Variants in CDK11A observed in about 807,000 individuals in gnomAD.
CDK11A encodes the protein cyclin-dependent kinase 11A.
Under a neutral mutation model 83.6 loss-of-function variants are expected in CDK11A, and 55 were observed. The ratio of observed to expected loss-of-function variants is 0.66; its 90% confidence interval spans 0.53 to 0.82. The LOEUF is 0.82. Ranked by LOEUF, CDK11A falls within the 40% of genes least tolerant of loss-of-function variation. The probability of loss-of-function intolerance (pLI) is 0.00; values close to 1 mark genes in which losing one functional copy is unlikely to be tolerated. For synonymous variants in CDK11A, 247 were observed against 302.7 expected (o/e 0.82, Z 1.91); for missense variants, 564 against 810.1 (o/e 0.70, Z 3.69).
At chr1:1,715,793 A>G (rs375112426) in intron 5 of CDK11A, among the ~76,000 whole-genome samples, 16 of 151,158 alleles carry the variant, frequency 1.1e-4, no homozygotes, top group Middle Eastern at 3.4e-3. Context: ...CCTGGTTCAC[A>G]GAACAGATCT....
chr1:1,704,091 G>C lies in CDK11A; in HGVS notation c.1742C>G (p.Pro581Arg). ...EYGSPLKAYT[P>R]VVVTQWYRAP... ...GCGGTACCACTGGGTCACCACGACC[G>C]GGGTGTAGGCCTTCAGAGGGGATCC... Residue 581 changes from proline to arginine, a missense_variant, in exon 16 of 20, where the codon CCG (proline) becomes CGG (arginine). Coordinates refer to ENST00000404249, the MANE Select transcript of CDK11A (RefSeq NM_024011.4). 2.5e-6 allele frequency: 4 copies of C among 1,599,238 alleles called. No homozygotes were observed. Among genetic ancestry groups the C allele is most frequent in the Non-Finnish European group, 3.4e-6 (4 of 1,170,874 alleles).
rs767396819 is a variant in CDK11A at position 1,704,084 on chromosome 1, C to G, written c.1749G>C (p.Val583=). ...GSPLKAYTPV[V]VTQWYRAPEL... is the part of the protein sequence containing the mutation. ...CTGGGGCGCGGTACCACTGGGTCAC[C>G]ACGACCGGGGTGTAGGCCTTCAGAG... is the stretch of plus-strand genomic sequence containing the variant. Residue 583 remains valine, a synonymous_variant, in exon 16 of 20, where the codon GTG becomes GTC. Coordinates refer to ENST00000404249, the MANE Select transcript of CDK11A (RefSeq NM_024011.4). 188 of 1,597,496 alleles carry G rather than the reference C, an allele frequency of 1.2e-4. 11 individuals are homozygous for G. The highest frequency in any genetic ancestry group is 1.5e-4 in the Non-Finnish European group (172 of 1,170,044).
Position 1,704,534 on chromosome 1 carries a change from C to G in CDK11A, c.1564+16G>C, listed in dbSNP as rs2377231. ...CCCCACTTGTACGCAGACAGGACCC[C>G]GGGGCGCGGCTGTACCTGGCAGGAA... On this transcript the variant is annotated intron_variant, in intron 14 of 19. Transcript: ENST00000404249. 1.3e-3 allele frequency: 2,004 copies of G among 1,602,644 alleles called. 98 individuals carry two copies. In the South Asian group the frequency reaches 0.021, roughly 17 times the overall value.
Position 1,707,431 on chromosome 1 carries a change from G to A in CDK11A, c.1223C>T (p.Pro408Leu), listed in dbSNP as rs775690147. The A allele has an allele frequency of 1.9e-6, 3 of 1,607,950 alleles. No individual in the cohort carries two copies. The highest frequency in any genetic ancestry group is 3.3e-5 in the Admixed American group (2 of 59,724). ...LLPIELKQELPKYLPALQGCR... is the reference protein window; with the variant it reads ...LLPIELKQELLKYLPALQGCR... ...GACCTGCAGGGCCGGCAGGTACTTG[G>A]GCAGCTCCTGCTTGAGCTCGATGGG... The change falls in exon 11 of 20, where the codon CCC (proline) becomes CTC (leucine). Residue 408 changes from proline (P) to leucine (L), a missense_variant. Pro to Leu is a moderately conservative substitution (Grantham distance 98). This residue lies in a region of CDK11A where 361 missense variants were observed against 402.7 expected (regional missense o/e 0.90). Transcript: ENST00000404249.
rs369035896 is a variant in CDK11A, at chr1:1,704,272, C to T, written c.1637G>A (p.Arg546His). 40 of 1,608,240 alleles carry T rather than the reference C, an allele frequency of 2.5e-5. No individual in the cohort carries two copies. Among genetic ancestry groups the T allele is most frequent in the Admixed American group, 1.3e-4 (8 of 59,786 alleles). ...KHLHDNWILH[R>H]DLKTSNLLLS... The stretch of plus-strand genomic sequence containing the variant: ...CAGCAGGTTGGACGTCTTGAGGTCA[C>T]GGTGCAGGATCCAGTTGTCGTGCAG... Residue 546 changes from arginine to histidine, a missense_variant, in exon 15 of 20, where the codon CGT becomes CAT. By Grantham distance (29) the Arg-to-His change is conservative (BLOSUM62 0). This residue lies in a region of CDK11A where 361 missense variants were observed against 402.7 expected (regional missense o/e 0.90). Transcript: ENST00000404249.
chr1:1,707,005 G>T lies in CDK11A; in HGVS notation c.1245+404C>A, dbSNP rs1644338611. Among the ~76,000 whole-genome samples, 2 of 143,048 alleles carry T rather than the reference G, an allele frequency of 1.4e-5. 1 individual carries two copies. Among genetic ancestry groups the T allele is most frequent in the South Asian group, 4.5e-4 (2 of 4,398 alleles). The allele number at this position is 143,048 out of a possible 152,430, so 93.8% of individuals were successfully genotyped here. ...TCACACATCTACACTGACTCCCGTA[G>T]CCGCTCCCCCATCCAAGCCCTGCAC... On this transcript the variant is annotated intron_variant, in intron 11 of 19. Coordinates refer to ENST00000404249, the MANE Select transcript of CDK11A (RefSeq NM_024011.4).
Position 1,702,967 on chromosome 1 carries a change from G to T in CDK11A, c.2283C>A (p.His761Gln). The change falls in exon 20 of 20, where the codon CAC becomes CAA. Residue 761 changes from histidine to glutamine, a missense_variant. Transcript: ENST00000404249. The stretch of plus-strand genomic sequence containing the variant: ...AGGCCCCCTGGTTCGTGGTGGTAAG[G>T]TGGAAGCCCGTCTCCTTCAGGTCGT... ...GDDDLKETGFHLTTTNQGASA... is the reference protein window; with the variant it reads ...GDDDLKETGFQLTTTNQGASA... 2.1e-6 allele frequency: 1 copy of T among 477,106 alleles called. No homozygotes were observed. The highest frequency in any genetic ancestry group is 3.7e-6 in the Non-Finnish European group (1 of 273,158). 29.6% of individuals were successfully genotyped at this position (477,106 alleles called of 1,614,324 possible). A position where few individuals can be genotyped will look rare whatever the true frequency, so the allele number is the denominator to read the frequency against.
intron 13 of CDK11A, 116 bp from the exon 14 acceptor site, chr1:1,704,771 C>A: frequency 6.3e-7 from 1 of 1,598,312 alleles, no homozygotes; most frequent in Non-Finnish European, 8.6e-7. Context: ...GAGGCAAATA[C>A]TTGCTTCTGT....
At chr1:1,717,111 A>C (rs1405838624) in intron 4 of CDK11A, among the ~76,000 whole-genome samples, 1 of 150,790 alleles carries the variant, frequency 6.6e-6, no homozygotes, top group East Asian at 1.9e-4. Context: ...AACTATCTGC[A>C]GTAAGCGTCT....
Position 1,706,415 on chromosome 1 carries a change from G to A in CDK11A, c.1246-683C>T, listed in dbSNP as rs1317965922. Among the ~76,000 whole-genome samples the A allele has an allele frequency of 4.0e-5, 6 of 151,400 alleles. 1 individual carries two copies. The highest frequency in any genetic ancestry group is 9.7e-5 in the African/African-American group (4 of 41,230). On this transcript the variant is annotated intron_variant, in intron 11 of 19. Transcript: ENST00000404249. The stretch of plus-strand genomic sequence containing the variant: ...AATAAAAAAATTAGCCAGGCATGGT[G>A]GCTTGCGCCTGTAGTTCCAGCTACT...
At chr1:1,723,488 C>CA (rs768913380) in intron 1 of CDK11A, among the ~76,000 whole-genome samples, 308 of 20,626 alleles carry the variant, frequency 0.015, 22 homozygotes, top group East Asian at 0.034. Context: ...GACCCCGTCT[C>CA]AAAAAAAAAA....
At chr1:1,721,958 T>C (rs558027720) in intron 2 of CDK11A, 17 of 399,842 alleles carry the variant, frequency 4.3e-5, no homozygotes, top group African/African-American at 2.5e-4. Context: ...AAGACCATCC[T>C]GGCTAACACG....
At chr1:1,714,675 G>A (rs1240029864) in intron 5 of CDK11A, among the ~76,000 whole-genome samples, 2 of 128,218 alleles carry the variant, frequency 1.6e-5, no homozygotes, top group Non-Finnish European at 3.5e-5. Context: ...CTGGAAAAAG[G>A]CTGGGCTCAA....
Position 1,702,724 on chromosome 1 carries a change from C to G in CDK11A, c.*183G>C. The G allele has an allele frequency of 3.3e-6, 2 of 613,454 alleles. 1 individual carries two copies. The highest frequency in any genetic ancestry group is 3.9e-5 in the South Asian group (2 of 51,244). 38.0% of individuals were successfully genotyped at this position (613,454 alleles called of 1,614,324 possible). On this transcript the variant is annotated 3_prime_UTR_variant, in exon 20 of 20. Coordinates refer to ENST00000404249, the MANE Select transcript of CDK11A (RefSeq NM_024011.4). The stretch of plus-strand genomic sequence containing the variant: ...GCCCTGGCAAGTCACGGAGAAAACA[C>G]AGCTCTTTCCTCCACAACAAGGAAA...
chr1:1,719,339 G>A lies in CDK11A; in HGVS notation c.344C>T (p.Ser115Leu). The change falls in exon 4 of 20, where the codon TCA becomes TTA. Residue 115 changes from serine to leucine, a missense_variant. Around this residue, in one of 5 missense-constraint regions of CDK11A, gnomAD observed 151 missense variants for 147.4 expected, o/e 1.02. Transcript: ENST00000404249. ...RKEKCRHHSH[S>L]AEGGKHARVK... ...AAATGCTTCTGTACCCCCTTCTGCT[G>A]AATGGCTATGATGCCTACATTTTTC... is the stretch of plus-strand genomic sequence containing the variant. The A allele has an allele frequency of 6.6e-7, 1 of 1,525,270 alleles. No homozygotes were observed. Among genetic ancestry groups the A allele is most frequent in the Non-Finnish European group, 8.8e-7 (1 of 1,141,224 alleles). 94.5% of individuals were successfully genotyped at this position (1,525,270 alleles called of 1,614,324 possible).
rs1236053861 is a variant in CDK11A at position 1,704,023 on chromosome 1, G to A, written c.1794+16C>T. 1.3e-6 allele frequency: 2 copies of A among 1,597,944 alleles called. No individual in the cohort carries two copies. The highest frequency in any genetic ancestry group is 1.7e-6 in the Non-Finnish European group (2 of 1,170,326). On this transcript the variant is annotated intron_variant, in intron 16 of 19. Coordinates refer to ENST00000404249, the MANE Select transcript of CDK11A (RefSeq NM_024011.4). The stretch of plus-strand genomic sequence containing the variant: ...GCATGGGGGACAGGGGAGGCACTCA[G>A]ACGCCCAGGACTCACCTTGGCACCA...
intron 2 of CDK11A, chr1:1,722,362 T>A (rs1644938187): frequency 2.8e-6 from 1 of 355,554 alleles, no homozygotes; most frequent in Non-Finnish European, 5.6e-6. Flanking sequence ...AAGAAAGACG[T>A]AAAATATTTA....
chr1:1,705,109 C>T (rs1172819872), intron 12 of CDK11A, 84 bp from the exon 13 acceptor site: 17 of 1,502,830 alleles, frequency 1.1e-5, no homozygotes, highest in Middle Eastern at 4.1e-4. Flanking sequence ...GGACCGCAGG[C>T]AGTGCCCAAA....
chr1:1,721,931 C>G, intron 2 of CDK11A: 1 of 481,732 alleles, frequency 2.1e-6, no homozygotes, highest in Non-Finnish European at 3.6e-6. Flanking sequence ...GCGGGTGGAT[C>G]ACGAGGTCAG....
Sources: gnomAD v4.1 joint callset for allele counts (sites outside exome capture counted in the v4.1 genomes callset) on GRCh38, gnomAD v4.1.1 for gene constraint, gnomAD v4.1.1 regional missense constraint, MANE v1.5 for transcripts, NCBI Gene and HGNC (gene_info 2026-07-23, HGNC 2026-07-21) for gene names.